Variants in RPS6 observed in about 807,000 individuals in gnomAD.
The protein encoded by RPS6 is small ribosomal subunit protein eS6.
RPS6 carries 1 observed loss-of-function variant against 27.1 expected under a neutral mutation model. The ratio of observed to expected loss-of-function variants is 0.04; its 90% CI spans 0.01 to 0.18. The LOEUF (loss-of-function observed/expected upper bound fraction) is 0.18, where lower values mean the gene tolerates loss of function less well. Ranked by LOEUF, RPS6 falls within the 10% of genes least tolerant of loss-of-function variation. The pLI is 1.00. For synonymous variants in RPS6, 152 were observed against 106.0 expected (o/e 1.43, Z -2.66); for missense variants, 259 against 319.1 (o/e 0.81, Z 1.44).
At position 19,379,549 on chromosome 9, in the gene RPS6, T is replaced by C; in HGVS notation, c.76A>G (p.Thr26Ala). ...GTGGCCATACGCTTCTCATAGAAAGTACGAAGTTTGCGTTCATCGTCCACT... is the reference window on the plus strand; with the variant it reads ...GTGGCCATACGCTTCTCATAGAAAGCACGAAGTTTGCGTTCATCGTCCACT... The part of the protein sequence containing the change: ...IEVDDERKLR[T>A]FYEKRMATEV... The change falls in exon 2 of 6, where the codon ACT (threonine) becomes GCT (alanine). Residue 26 changes from threonine to alanine, a missense_variant. By Grantham distance (58) the Thr-to-Ala change is moderately conservative. Coordinates refer to ENST00000380394, the MANE Select transcript of RPS6 (RefSeq NM_001010.3). 1 of 1,614,216 alleles carries C rather than the reference T, an allele frequency of 6.2e-7. No homozygotes were observed. Among genetic ancestry groups the C allele is most frequent in the East Asian group, 2.2e-5 (1 of 44,892 alleles).
rs1216837257 is a variant in RPS6 at position 19,376,139 on chromosome 9, G to A, written c.*154C>T. 9 of 662,214 alleles carry A rather than the reference G, an allele frequency of 1.4e-5. No homozygotes were observed. In the Admixed American group the frequency reaches 1.8e-4, roughly 13 times the overall value. The allele number at this position is 662,214 out of a possible 1,614,324, so 41.0% of individuals were successfully genotyped here. A position where few individuals can be genotyped will look rare whatever the true frequency, so the allele number is the denominator to read the frequency against. ...TTGTCTTCCACTACCACACACAATA[G>A]GTCTGACTTTATCCACCATTGGAAT... is the stretch of plus-strand genomic sequence containing the variant. On this transcript the variant is annotated 3_prime_UTR_variant, in exon 6 of 6. Coordinates refer to ENST00000380394, the MANE Select transcript of RPS6 (RefSeq NM_001010.3).
In RPS6 at chr9:19,380,196, C is replaced by G. The variant is rs779666077; in HGVS notation, c.-1G>C. 3 of 1,614,168 alleles carry G rather than the reference C, an allele frequency of 1.9e-6. No homozygotes were observed. The highest frequency in any genetic ancestry group is 1.7e-5 in the Admixed American group (1 of 60,022). On this transcript the variant is annotated 5_prime_UTR_variant, in exon 1 of 6. Transcript: ENST00000380394. The stretch of plus-strand genomic sequence containing the variant: ...ACTCGCCACCATCACCTACCTTCAT[C>G]TTGAAGCAGCTGAACGCCTCCGAGG...
rs17851023 is a variant in RPS6, at chr9:19,376,633, T to G, written c.515A>C (p.Lys172Thr). 5.6e-6 allele frequency: 9 copies of G among 1,612,766 alleles called. No individual in the cohort carries two copies. Among genetic ancestry groups the G allele is most frequent in the Non-Finnish European group, 7.6e-6 (9 of 1,179,736 alleles). ...LNKEGKKPRT[K>T]APKIQRLVTP... ...AACAAGACGCTGAATCTTGGGTGCTTTGGTCCTAGGTTTCTTACCTAAAAA... is the reference window on the plus strand; with the variant it reads ...AACAAGACGCTGAATCTTGGGTGCTGTGGTCCTAGGTTTCTTACCTAAAAA... Residue 172 changes from lysine to threonine, a missense_variant, in exon 5 of 6, where the codon AAA becomes ACA. Around this residue, in one of 3 missense-constraint regions of RPS6, gnomAD observed 191 missense variants for 231.6 expected, o/e 0.82. Coordinates refer to ENST00000380394, the MANE Select transcript of RPS6 (RefSeq NM_001010.3).
chr9:19,376,668 C>T lies in RPS6; in HGVS notation c.497-17G>A, dbSNP rs376269533. ...GTTTCTTACCTAAAAATTCAAAGGA[C>T]TCAATCATTTCAATATTTGTTTTGT... On this transcript the variant is annotated splice_polypyrimidine_tract_variant and intron_variant, in intron 4 of 5. Coordinates refer to ENST00000380394, the MANE Select transcript of RPS6 (RefSeq NM_001010.3). The T allele has an allele frequency of 2.4e-5, 38 of 1,591,294 alleles. No homozygotes were observed. Among genetic ancestry groups the T allele is most frequent in the Non-Finnish European group, 3.1e-5 (36 of 1,173,372 alleles).
chr9:19,377,671 G>A (rs1431493169), intron 4 of RPS6, among the ~76,000 whole-genome samples: 1 of 152,108 alleles, frequency 6.6e-6, no homozygotes, highest in Non-Finnish European at 1.5e-5. Context: ...GCTATTTGAG[G>A]TCCTCACTGG....
intron 4 of RPS6, among the ~76,000 whole-genome samples, 198 bp downstream of exon 4, chr9:19,378,170 C>A (rs1160603117): frequency 1.3e-5 from 2 of 152,178 alleles, no homozygotes; most frequent in Non-Finnish European, 2.9e-5. Context: ...AATTACTGCA[C>A]TCTACAAGGC....
At position 19,378,935 on chromosome 9, in the gene RPS6, T is replaced by C. The variant is rs749723773; in HGVS notation, c.139-17A>G. 2 of 1,610,896 alleles carry C rather than the reference T, an allele frequency of 1.2e-6. No homozygotes were observed. The highest frequency in any genetic ancestry group is 1.7e-6 in the Non-Finnish European group (2 of 1,177,608). ...CACATAACCCTGCAAGAGCATACAA[T>C]GAATGACACATTTACTATTTCTATT... On this transcript the variant is annotated splice_polypyrimidine_tract_variant and intron_variant, in intron 2 of 5. Transcript: ENST00000380394.
Position 19,376,002 on chromosome 9 carries a change from A to C in RPS6, c.*291T>G, listed in dbSNP as rs188634227. ...AATAAACTATATAAAAAAGATTAAT[A>C]GTCCTCATCATTTCCCCTAAGTTCC... is the stretch of plus-strand genomic sequence containing the variant. On this transcript the variant is annotated 3_prime_UTR_variant, in exon 6 of 6. Transcript: ENST00000380394. 28 of 259,574 alleles carry C rather than the reference A, an allele frequency of 1.1e-4. No individual in the cohort carries two copies. The East Asian group carries it at 1.9e-3, about 18-fold the overall frequency. The allele number at this position is 259,574 out of a possible 1,614,324, so 16.1% of individuals were successfully genotyped here. A position where few individuals can be genotyped will look rare whatever the true frequency, so the allele number is the denominator to read the frequency against.
chr9:19,378,534 G>T lies in RPS6; in HGVS notation c.350-20C>A. 6.2e-7 allele frequency: 1 copy of T among 1,606,902 alleles called. No homozygotes were observed. Among genetic ancestry groups the T allele is most frequent in the Non-Finnish European group, 8.5e-7 (1 of 1,177,696 alleles). ...TCTCTCCTTAGAAGAAACAGTTGAA[G>T]AGATTTTAATTCAACAACTTCCTTA... On this transcript the variant is annotated intron_variant, in intron 3 of 5. Coordinates refer to ENST00000380394, the MANE Select transcript of RPS6 (RefSeq NM_001010.3).
intron 2 of RPS6, 191 bp downstream of exon 2, chr9:19,379,296 G>C: frequency 6.8e-7 from 1 of 1,474,558 alleles, no homozygotes; most frequent in Non-Finnish European, 9.0e-7. Context: ...TAAACTTTAC[G>C]TATATTTTAT....
rs115951876 is a variant in RPS6, at chr9:19,378,619, C to T, written c.349+89G>A. On this transcript the variant is annotated intron_variant, in intron 3 of 5. Coordinates refer to ENST00000380394, the MANE Select transcript of RPS6 (RefSeq NM_001010.3). ...ATGGTAGAGAAACAAATCCATTGGT[C>T]TGTAAGTCTGGATACTGCAAATGAA... The T allele has an allele frequency of 2.8e-3, 4,377 of 1,570,606 alleles. 109 individuals are homozygous for T. The African/African-American group carries it at 0.051, about 18-fold the overall frequency.
chr9:19,379,836 G>C, intron 1 of RPS6: 1 of 1,425,274 alleles, frequency 7.0e-7, no homozygotes, highest in African/African-American at 1.4e-5. Context: ...AAGCCCCGCG[G>C]AATGACTCTG....
In RPS6 at chr9:19,376,395, A is replaced by G. The variant is rs146329014; in HGVS notation, c.655-7T>C. On this transcript the variant is annotated splice_region_variant and splice_polypyrimidine_tract_variant and intron_variant, in intron 5 of 5. Transcript: ENST00000380394. ...GGCGCTTCTCCTTAGCCTCCTAAAC[A>G]AAACAAAACAGCAAACAGTTAAGGC... 1.9e-3 allele frequency: 3,034 copies of G among 1,613,514 alleles called. 54 individuals carry two copies. The African/African-American group carries it at 0.035, about 19-fold the overall frequency.
In RPS6 at chr9:19,376,295, A is replaced by G. The variant is rs1179546454; in HGVS notation, c.748T>C (p.Ter250GlnextTer7). 8 of 1,609,170 alleles carry G rather than the reference A, an allele frequency of 5.0e-6. No homozygotes were observed. Among genetic ancestry groups the G allele is most frequent in the Non-Finnish European group, 5.9e-6 (7 of 1,178,424 alleles). The change falls in exon 6 of 6, where the codon TAA (stop) becomes CAA (glutamine). Residue 250 changes from the stop codon to glutamine (Q), a stop_lost. Transcript: ENST00000380394. ...ATTTATTTGTTACTCAAAAAATCTT[A>G]TTTCTGACTGGATTCAGACTTAGAA... ...STSKSESSQK[*>Q]
intron 1 of RPS6, 153 bp from the exon 2 acceptor site, chr9:19,379,771 G>C: frequency 1.4e-6 from 2 of 1,472,858 alleles, no homozygotes; most frequent in Non-Finnish European, 1.8e-6. Flanking sequence ...CTAAAAGCAC[G>C]TGAAAGCAGA....
In RPS6 at chr9:19,375,840, T is replaced by TGGTATCCACTAAAACTA. The variant is rs71496816; in HGVS notation, c.*436_*452dup. Reference sequence around the variant, plus strand: ...AATGGCTTAAAAACCATTTAGTGGATGGTATCCACTAAAACTAGGTATCCA... The same window carrying TGGTATCCACTAAAACTA: ...AATGGCTTAAAAACCATTTAGTGGATGGTATCCACTAAAACTAGGTATCCACTAAAACTAGGTATCCA... On this transcript the variant is annotated 3_prime_UTR_variant, in exon 6 of 6. Coordinates refer to ENST00000380394, the MANE Select transcript of RPS6 (RefSeq NM_001010.3). The TGGTATCCACTAAAACTA allele has an allele frequency of 5.3e-5, 8 of 152,368 alleles. No individual in the cohort carries two copies. The highest frequency in any genetic ancestry group is 2.6e-4 in the Admixed American group (4 of 15,296). The allele number at this position is 152,368 out of a possible 1,614,324, so 9.4% of individuals were successfully genotyped here.
rs1042837842 is a variant in RPS6, at chr9:19,378,826, C to G, written c.231G>C (p.Leu77=). The G allele has an allele frequency of 6.2e-7, 1 of 1,614,102 alleles. No homozygotes were observed. Among genetic ancestry groups the G allele is most frequent in the Non-Finnish European group, 8.5e-7 (1 of 1,180,044 alleles). ...VLTHGRVRLL[L]SKGHSCYRPR... is the part of the protein sequence containing the mutation. ...GTCTGTAACAGGAATGCCCCTTACT[C>G]AGTAGCAGGCGGACACGGCCATGGG... is the stretch of plus-strand genomic sequence containing the variant. The change falls in exon 3 of 6, where the codon CTG becomes CTC. Residue 77 remains leucine (L), a synonymous_variant. Coordinates refer to ENST00000380394, the MANE Select transcript of RPS6 (RefSeq NM_001010.3).
Position 19,378,519 on chromosome 9 carries a change from G to A in RPS6, c.350-5C>T, listed in dbSNP as rs745636413. The A allele has an allele frequency of 1.9e-6, 3 of 1,610,572 alleles. No individual in the cohort carries two copies. Among genetic ancestry groups the A allele is most frequent in the South Asian group, 2.2e-5 (2 of 90,202 alleles). ...GTCCAGGAATATCCTTCTCTCCTTA[G>A]AAGAAACAGTTGAAGAGATTTTAAT... On this transcript the variant is annotated splice_polypyrimidine_tract_variant and splice_region_variant and intron_variant, in intron 3 of 5. Transcript: ENST00000380394.
chr9:19,379,007 A>G (rs1436758516), intron 2 of RPS6, 89 bp from the exon 3 acceptor site: 5 of 1,232,158 alleles, frequency 4.1e-6, no homozygotes, highest in Non-Finnish European at 5.7e-6. Flanking sequence ...ACACACCTAT[A>G]TGAGAAAGTA....
Sources: allele counts gnomAD v4.1 joint callset (sites outside exome capture counted in the v4.1 genomes callset), GRCh38; gene constraint gnomAD v4.1.1; regional missense constraint gnomAD v4.1.1; transcripts MANE v1.5; gene names NCBI Gene and HGNC (gene_info 2026-07-23, HGNC 2026-07-21).